LNX2: variants seen among roughly 807,000 people sequenced by gnomAD.
LNX2 encodes ligand of Numb protein X 2.
A neutral mutation model predicts 66.2 loss-of-function variants in LNX2; 35 were observed. That is an observed-to-expected ratio of 0.53 (90% CI 0.40 to 0.70). The LOEUF (loss-of-function observed/expected upper bound fraction) is 0.70, where lower values mean the gene tolerates loss of function less well. Among genes scored for constraint, LNX2 ranks in the 30% least tolerant of loss-of-function variants. LNX2 has a pLI of 0.00. For missense variants in LNX2, 791 were observed against 850.8 expected, an observed-to-expected ratio of 0.93 and a Z score of 0.87; for synonymous variants, 337 against 315.6, an observed-to-expected ratio of 1.07 and a Z score of -0.72.
rs1955241537 is a variant in LNX2, at chr13:27,569,018, A to G, written c.655+11T>C. The G allele has an allele frequency of 6.2e-7, 1 of 1,607,826 alleles. No individual in the cohort carries two copies. The highest frequency in any genetic ancestry group is 1.7e-5 in the Admixed American group (1 of 58,542). ...AGAGATGAAATACACAAGGAGTTGC[A>G]CCACACATACTGTCAGCTCCAGCGC... On this transcript the variant is annotated intron_variant, in intron 3 of 9. Coordinates refer to ENST00000316334, the MANE Select transcript of LNX2 (RefSeq NM_153371.4).
intron 4 of LNX2, among the ~76,000 whole-genome samples, chr13:27,565,220 C>T (rs893081457): frequency 2.0e-5 from 3 of 152,126 alleles, no homozygotes; most frequent in African/African-American, 7.2e-5. Flanking sequence ...ATGAACCATT[C>T]TCTAAAATAG....
Position 27,587,022 on chromosome 13 carries a change from T to C in LNX2, c.-100-5219A>G, listed in dbSNP as rs1955494342. Among the ~76,000 whole-genome samples, 5 of 152,284 alleles carry C rather than the reference T, an allele frequency of 3.3e-5. No individual in the cohort carries two copies. The South Asian group carries it at 1.0e-3, about 32-fold the overall frequency. ...ACCATCGGTTTGCATACTCCAAAAC[T>C]ATGTATTATTCAGTTCATTTCTCTC... On this transcript the variant is annotated intron_variant, in intron 1 of 9. Coordinates refer to ENST00000316334, the MANE Select transcript of LNX2 (RefSeq NM_153371.4).
chr13:27,560,596 G>A (rs1000325637), intron 5 of LNX2, among the ~76,000 whole-genome samples: 9 of 90,046 alleles, frequency 1.0e-4, no homozygotes, highest in African/African-American at 4.4e-4. Context: ...GCATACTTGT[G>A]TGAATGTGAC....
intron 1 of LNX2, among the ~76,000 whole-genome samples, chr13:27,590,941 T>C (rs1181262016): frequency 6.6e-6 from 1 of 152,156 alleles, no homozygotes; most frequent in African/African-American, 2.4e-5. Flanking sequence ...TTGCTCTACT[T>C]ATAACTTTAT....
chr13:27,599,968 G>C (rs1342565914), intron 1 of LNX2, among the ~76,000 whole-genome samples: 1 of 152,132 alleles, frequency 6.6e-6, no homozygotes, highest in Non-Finnish European at 1.5e-5. Context: ...TAAGAGTAAA[G>C]AATAATACAT....
At chr13:27,571,798 C>A (rs542959601) in intron 2 of LNX2, among the ~76,000 whole-genome samples, 1 of 152,282 alleles carries the variant, frequency 6.6e-6, no homozygotes, top group South Asian at 2.1e-4. Flanking sequence ...GAGCCATCAT[C>A]CCTCAAGCTG....
chr13:27,602,297 T>C (rs1291591228), intron 1 of LNX2, among the ~76,000 whole-genome samples: 1 of 152,282 alleles, frequency 6.6e-6, no homozygotes, highest in East Asian at 1.9e-4. Context: ...TGCATACAAC[T>C]ATGGAACGCA....
chr13:27,606,993 C>A (rs572620547), intron 1 of LNX2, among the ~76,000 whole-genome samples: 1 of 152,244 alleles, frequency 6.6e-6, no homozygotes, highest in South Asian at 2.1e-4. Context: ...TGCTTCATTT[C>A]TGTTTCAAAA....
At chr13:27,554,396 A>G (rs972501739) in intron 7 of LNX2, among the ~76,000 whole-genome samples, 24 of 152,124 alleles carry the variant, frequency 1.6e-4, no homozygotes, top group African/African-American at 5.8e-4. Flanking sequence ...CTCTATACCC[A>G]TCATTTCCCT....
intron 8 of LNX2, among the ~76,000 whole-genome samples, chr13:27,550,752 G>A (rs1214856641): frequency 1.3e-5 from 2 of 151,926 alleles, no homozygotes; most frequent in Non-Finnish European, 2.9e-5. Flanking sequence ...TAGAGAACCT[G>A]GTTACAAATT....
At chr13:27,620,904 G>C (rs1955901110), upstream of LNX2, 1 of 152,664 alleles carries the variant, frequency 6.6e-6, no homozygotes, top group South Asian at 2.1e-4. Flanking sequence ...AGGAATCGCG[G>C]GGCGGGGTGG....
intron 8 of LNX2, among the ~76,000 whole-genome samples, chr13:27,552,535 G>A (rs573606981): frequency 5.9e-5 from 9 of 152,190 alleles, no homozygotes; most frequent in South Asian, 2.1e-4. Context: ...GAATCTAAAC[G>A]GATTAGACAA....
At chr13:27,608,323 A>T (rs1468716618) in intron 1 of LNX2, among the ~76,000 whole-genome samples, 1 of 152,248 alleles carries the variant, frequency 6.6e-6, no homozygotes, top group Non-Finnish European at 1.5e-5. Context: ...ATTATAATCT[A>T]GACTAGATTT....
Position 27,553,449 on chromosome 13 carries a change from T to C in LNX2, c.1547-10A>G, listed in dbSNP as rs1192457741. 5.0e-6 allele frequency: 8 copies of C among 1,605,406 alleles called. No individual in the cohort carries two copies. The highest frequency in any genetic ancestry group is 6.8e-6 in the Non-Finnish European group (8 of 1,172,268). Reference sequence around the variant, plus strand: ...TTTAGCAACACATCACCTGTTCAGATGAAGAAACAAGAAAAATGAGCTGAG... The same window carrying C: ...TTTAGCAACACATCACCTGTTCAGACGAAGAAACAAGAAAAATGAGCTGAG... On this transcript the variant is annotated splice_polypyrimidine_tract_variant and intron_variant, in intron 7 of 9. Coordinates refer to ENST00000316334, the MANE Select transcript of LNX2 (RefSeq NM_153371.4).
chr13:27,551,044 GTTTTCA>G (rs1023987001), intron 8 of LNX2, among the ~76,000 whole-genome samples: 27 of 152,138 alleles, frequency 1.8e-4, no homozygotes, highest in African/African-American at 6.3e-4. Flanking sequence ...TACTTAGGAT[GTTTTCA>G]TTTTAAGGGA....
intron 1 of LNX2, among the ~76,000 whole-genome samples, chr13:27,584,389 GAA>G (rs57375748): frequency 9.9e-4 from 123 of 124,418 alleles, no homozygotes; most frequent in Admixed American, 1.7e-3. Flanking sequence ...TGTCTCTACA[GAA>G]AAAAAAAAAA....
At chr13:27,564,443 G>GAAAATACTT (rs1318608065) in intron 4 of LNX2, among the ~76,000 whole-genome samples, 5 of 151,938 alleles carry the variant, frequency 3.3e-5, no homozygotes, top group African/African-American at 1.2e-4. Context: ...TCATTAAACT[G>GAAAATACTT]AAAATACTTA....
chr13:27,558,825 C>T (rs982991731), intron 6 of LNX2, among the ~76,000 whole-genome samples: 2 of 152,080 alleles, frequency 1.3e-5, no homozygotes, highest in Non-Finnish European at 2.9e-5. Flanking sequence ...CTGTAGAGAA[C>T]TTAAGCTCAG....
intron 1 of LNX2, among the ~76,000 whole-genome samples, chr13:27,602,305 G>A (rs972642304): frequency 7.9e-5 from 12 of 151,974 alleles, no homozygotes; most frequent in Admixed American, 4.6e-4. Flanking sequence ...ACTATGGAAC[G>A]CAAATCCCTA....
Sources: gnomAD v4.1 joint callset for allele counts (sites outside exome capture counted in the v4.1 genomes callset) on GRCh38, gnomAD v4.1.1 for gene constraint, MANE v1.5 for transcripts, NCBI Gene and HGNC (gene_info 2026-07-23, HGNC 2026-07-21) for gene names.